Variants in SAMD4A observed in about 807,000 individuals in gnomAD.
The protein encoded by SAMD4A is sterile alpha motif domain containing 4A, also known as protein Smaug homolog 1.
A neutral mutation model predicts 81.3 loss-of-function variants in SAMD4A; 33 were observed. The ratio of observed to expected loss-of-function variants is 0.41; its 90% confidence interval spans 0.31 to 0.54. The LOEUF (loss-of-function observed/expected upper bound fraction) is 0.54. SAMD4A is among the 20% of genes least tolerant of loss of function. The pLI is 0.37. For synonymous variants in SAMD4A, 389 were observed against 382.1 expected (o/e 1.02, Z -0.21); for missense variants, 854 against 951.1 (o/e 0.90, Z 1.34).
intron 12 of SAMD4A, among the ~76,000 whole-genome samples, chr14:54,787,854 C>T (rs2039179598): frequency 6.6e-6 from 1 of 152,182 alleles, no homozygotes; most frequent in African/African-American, 2.4e-5. Context: ...AATCTCATTA[C>T]TCTACTGCTT....
Position 54,641,029 on chromosome 14 carries a change from A to G in SAMD4A, c.197-61033A>G, listed in dbSNP as rs763762907. On this transcript the variant is annotated intron_variant, in intron 2 of 12. Transcript: ENST00000554335. ...CCAATTCACCCTTTCAGTCCTGCTC[A>G]ATAAAAGCTCGGCTGTTCCTCCTTA... 2.6e-5 allele frequency among the ~76,000 whole-genome samples: 4 copies of G among 152,206 alleles called. No homozygotes were observed. In the East Asian group the frequency reaches 7.7e-4, roughly 29 times the overall value.
In SAMD4A at chr14:54,760,151, C is replaced by T; in HGVS notation, c.1177-10C>T. On this transcript the variant is annotated splice_polypyrimidine_tract_variant and intron_variant, in intron 6 of 12. Coordinates refer to ENST00000554335, the MANE Select transcript of SAMD4A (RefSeq NM_015589.6). ...AGCCTAACAGAGGTCTTCCTGCTCT[C>T]ACCGTCCAGGACATCATCGAGGGGG... The T allele has an allele frequency of 1.2e-6, 2 of 1,608,032 alleles. No individual in the cohort carries two copies. Among genetic ancestry groups the T allele is most frequent in the South Asian group, 1.1e-5 (1 of 90,020 alleles).
chr14:54,654,945 TTAGA>T (rs2035486141), intron 2 of SAMD4A, among the ~76,000 whole-genome samples: 2 of 152,230 alleles, frequency 1.3e-5, no homozygotes, highest in Non-Finnish European at 2.9e-5. Flanking sequence ...TTTTATTCTC[TTAGA>T]TAGTCCATAT....
At chr14:54,778,160 G>A (rs1309960716) in intron 11 of SAMD4A, among the ~76,000 whole-genome samples, 1 of 152,126 alleles carries the variant, frequency 6.6e-6, no homozygotes, top group East Asian at 1.9e-4. Flanking sequence ...AGGCCTTCTT[G>A]ATTTTTTCCC....
At chr14:54,724,831 G>A (rs1249625825) in intron 3 of SAMD4A, among the ~76,000 whole-genome samples, 1 of 152,148 alleles carries the variant, frequency 6.6e-6, no homozygotes, top group Admixed American at 6.5e-5. Flanking sequence ...CACCCTAACT[G>A]GCTGTTCTAC....
intron 3 of SAMD4A, among the ~76,000 whole-genome samples, chr14:54,714,747 T>C (rs1400642894): frequency 6.6e-6 from 1 of 152,166 alleles, no homozygotes; most frequent in African/African-American, 2.4e-5. Flanking sequence ...TTATTACTGC[T>C]GGTAATAGTA....
chr14:54,767,210 C>CT (rs1343864475), intron 8 of SAMD4A, among the ~76,000 whole-genome samples: 1 of 152,190 alleles, frequency 6.6e-6, no homozygotes, highest in Admixed American at 6.5e-5. Flanking sequence ...CACGCCCTGC[C>CT]TGTGAGGCCC....
chr14:54,602,292 A>AT (rs1342892416), intron 2 of SAMD4A, among the ~76,000 whole-genome samples: 2 of 150,096 alleles, frequency 1.3e-5, no homozygotes, highest in East Asian at 4.0e-4. Context: ...AGAATAATGC[A>AT]TTTTTCCATT....
At chr14:54,655,115 ATACT>A (rs992503488) in intron 2 of SAMD4A, among the ~76,000 whole-genome samples, 1 of 152,204 alleles carries the variant, frequency 6.6e-6, no homozygotes, top group Non-Finnish European at 1.5e-5. Flanking sequence ...TGACCTGGAA[ATACT>A]TACACGTCCA....
intron 2 of SAMD4A, among the ~76,000 whole-genome samples, chr14:54,591,394 TC>T (rs769346136): frequency 8.5e-5 from 13 of 152,184 alleles, no homozygotes; most frequent in Non-Finnish European, 1.6e-4. Flanking sequence ...TTGCTCCACA[TC>T]CCATTTGACT....
In SAMD4A at chr14:54,775,175, C is replaced by T. The variant is rs535149578; in HGVS notation, c.1917+40C>T. On this transcript the variant is annotated intron_variant, in intron 10 of 12. Coordinates refer to ENST00000554335, the MANE Select transcript of SAMD4A (RefSeq NM_015589.6). The stretch of plus-strand genomic sequence containing the variant: ...AAGGAAGGAGGAGGATGGCCAAGCT[C>T]AAGGCCCAAGGCTGCAGATGTCCCC... 54 of 1,611,110 alleles carry T rather than the reference C, an allele frequency of 3.4e-5. 1 individual carries two copies. The Middle Eastern group carries it at 6.3e-3, about 187-fold the overall frequency.
chr14:54,575,481 A>C (rs1361626951), intron 2 of SAMD4A, among the ~76,000 whole-genome samples: 1 of 152,216 alleles, frequency 6.6e-6, no homozygotes, highest in Non-Finnish European at 1.5e-5. Context: ...CATGCAGAGC[A>C]AAGCAAATCT....
intron 2 of SAMD4A, among the ~76,000 whole-genome samples, chr14:54,689,056 C>T (rs1277947224): frequency 1.3e-5 from 2 of 151,204 alleles, no homozygotes; most frequent in Non-Finnish European, 2.9e-5. Context: ...CTCAACTTCC[C>T]GAGTAGCTGG....
intron 2 of SAMD4A, among the ~76,000 whole-genome samples, chr14:54,695,953 G>GAAAAAAAAAAAAAA (rs35817270): frequency 5.1e-5 from 4 of 78,278 alleles, no homozygotes; most frequent in Admixed American, 1.3e-4. Context: ...CTCCATCTCA[G>GAAAAAAAAAAAAAA]AAAAAAAAAA....
chr14:54,629,688 A>G (rs1354840210), intron 2 of SAMD4A, among the ~76,000 whole-genome samples: 1 of 152,168 alleles, frequency 6.6e-6, no homozygotes, highest in Admixed American at 6.5e-5. Context: ...GCGGTAAAAT[A>G]CAGTTTATCA....
rs1338638950 is a variant in SAMD4A at position 54,567,289 on chromosome 14, G to C, written c.-471G>C. On this transcript the variant is annotated 5_prime_UTR_variant, in exon 1 of 13. Coordinates refer to ENST00000554335, the MANE Select transcript of SAMD4A (RefSeq NM_015589.6). ...CGGGGTCTCCTCCCGCACCTGGGAAGCAGGCTTCTCGCTGTTACCCGGTGG... is the reference window on the plus strand; with the variant it reads ...CGGGGTCTCCTCCCGCACCTGGGAACCAGGCTTCTCGCTGTTACCCGGTGG... 6.6e-6 allele frequency: 1 copy of C among 152,284 alleles called. No individual in the cohort carries two copies. The highest frequency in any genetic ancestry group is 2.4e-5 in the African/African-American group (1 of 41,468). 9.4% of individuals were successfully genotyped at this position (152,284 alleles called of 1,614,324 possible).
At chr14:54,746,000 G>A (rs1320013026) in intron 4 of SAMD4A, among the ~76,000 whole-genome samples, 4 of 152,214 alleles carry the variant, frequency 2.6e-5, no homozygotes, top group Non-Finnish European at 5.9e-5. Context: ...CATGGGAAAG[G>A]ACCTGAGCTT....
At chr14:54,784,655 TG>T (rs2039088269) in intron 12 of SAMD4A, 35 bp downstream of exon 12, 1 of 1,564,338 alleles carries the variant, frequency 6.4e-7, no homozygotes. Flanking sequence ...CCCATGTCCC[TG>T]TTACCGTGTG....
intron 2 of SAMD4A, among the ~76,000 whole-genome samples, chr14:54,591,331 G>T (rs1205075909): frequency 6.6e-6 from 1 of 152,118 alleles, no homozygotes; most frequent in East Asian, 1.9e-4. Flanking sequence ...TTTGCCATTG[G>T]CATTTAGTGG....
Sources: gnomAD v4.1 joint callset for allele counts (sites outside exome capture counted in the v4.1 genomes callset) on GRCh38, gnomAD v4.1.1 for gene constraint, MANE v1.5 for transcripts, NCBI Gene and HGNC (gene_info 2026-07-23, HGNC 2026-07-21) for gene names.